MAPK6: variants seen among roughly 807,000 people sequenced by gnomAD.
MAPK6 encodes ERK-3.
A neutral mutation model predicts 59.3 loss-of-function variants in MAPK6; 19 were observed. That is an observed-to-expected ratio of 0.32 (90% CI 0.22 to 0.47). The LOEUF (loss-of-function observed/expected upper bound fraction) is 0.47, where lower values mean the gene tolerates loss of function less well. MAPK6 is among the 20% of genes least tolerant of loss of function. MAPK6 has a pLI of 1.00. For synonymous variants in MAPK6, 316 were observed against 290.3 expected, an observed-to-expected ratio of 1.09 and a Z score of -0.90; for missense variants, 724 against 847.9, an observed-to-expected ratio of 0.85 and a Z score of 1.81.
At chr15:52,038,155 T>G (rs1380366754) in intron 1 of MAPK6, among the ~76,000 whole-genome samples, 2 of 51,834 alleles carry the variant, frequency 3.9e-5, no homozygotes, top group African/African-American at 1.2e-4. Flanking sequence ...AGCTCAAGAT[T>G]GAAAAAAAAA....
chr15:52,057,013 A>C (rs1309785150), intron 3 of MAPK6: 1 of 152,142 alleles, frequency 6.6e-6, no homozygotes, highest in African/African-American at 2.4e-5. Flanking sequence ...ATGTTAGCAA[A>C]CCAGTACCTC....
At chr15:52,061,992 C>T (rs1481421332) in intron 5 of MAPK6, among the ~76,000 whole-genome samples, 1 of 150,818 alleles carries the variant, frequency 6.6e-6, no homozygotes, top group African/African-American at 2.4e-5. Context: ...CAGTCATATC[C>T]AATAAAGTAT....
At chr15:51,993,045 C>G (rs563295486) in intron 2 of MAPK6, among the ~76,000 whole-genome samples, 72 of 152,246 alleles carry the variant, frequency 4.7e-4, no homozygotes, top group African/African-American at 1.6e-3. Context: ...CCCTGGAGGT[C>G]TATGGTTGGT....
At chr15:52,016,052 TCGCGCG>T (rs376275284), upstream of MAPK6, among the ~76,000 whole-genome samples, 663 of 68,676 alleles carry the variant, frequency 9.7e-3, 13 homozygotes, top group African/African-American at 0.029. Flanking sequence ...CCAAACTCCA[TCGCGCG>T]CGCGCGCGCG....
intron 2 of MAPK6, among the ~76,000 whole-genome samples, chr15:52,047,242 A>T (rs1280515612): frequency 1.3e-5 from 2 of 152,144 alleles, no homozygotes; most frequent in East Asian, 3.9e-4. Context: ...TTTAAAGTGT[A>T]TGGTTATTTA....
At chr15:52,043,503 G>T (rs1014201939) in intron 1 of MAPK6, among the ~76,000 whole-genome samples, 5 of 151,766 alleles carry the variant, frequency 3.3e-5, no homozygotes, top group Non-Finnish European at 5.9e-5. Context: ...TCTCCATGTT[G>T]GTAGGCTGAT....
rs1337458953 is a variant in MAPK6 at position 52,058,780 on chromosome 15, C to T, written c.848C>T (p.Pro283Leu). ...CACAAACCTTTAACTCAGCTGCTTCCAGGAATTAGTCGAGAAGGTATTGTG... is the reference window on the plus strand; with the variant it reads ...CACAAACCTTTAACTCAGCTGCTTCTAGGAATTAGTCGAGAAGGTATTGTG... ...EPHKPLTQLL[P>L]GISREALDFL... The change falls in exon 4 of 6, where the codon CCA (proline) becomes CTA (leucine). Residue 283 changes from proline (P) to leucine (L), a missense_variant. This residue lies in a region of MAPK6 where 502 missense variants were observed against 507.6 expected (regional missense o/e 0.99). Coordinates refer to ENST00000261845, the MANE Select transcript of MAPK6 (RefSeq NM_002748.4). 2 of 1,611,462 alleles carry T rather than the reference C, an allele frequency of 1.2e-6. No individual in the cohort carries two copies. The highest frequency in any genetic ancestry group is 1.7e-6 in the Non-Finnish European group (2 of 1,178,672).
Position 52,064,246 on chromosome 15 carries a change from A to C in MAPK6, c.1412A>C (p.Lys471Thr). ...GAAGTTAACCATTACTATGAACCCA[A>C]GCTTATTATAGATCTTTCCAATTGG... ...ESEVNHYYEP[K>T]LIIDLSNWKE... The change falls in exon 6 of 6, where the codon AAG becomes ACG. Residue 471 changes from lysine (K) to threonine (T), a missense_variant. Physicochemically the swap from Lys to Thr is moderately conservative, Grantham distance 78. Around this residue, in one of 4 missense-constraint regions of MAPK6, gnomAD observed 502 missense variants for 507.6 expected, o/e 0.99. Transcript: ENST00000261845. 1 of 1,611,314 alleles carries C rather than the reference A, an allele frequency of 6.2e-7. No homozygotes were observed. Among genetic ancestry groups the C allele is most frequent in the South Asian group, 1.1e-5 (1 of 90,794 alleles).
rs774370270 is a variant in MAPK6, at chr15:52,046,887, A to G, written c.427A>G (p.Ile143Val). The change falls in exon 2 of 6, where the codon ATT becomes GTT. Residue 143 changes from isoleucine to valine, a missense_variant. Physicochemically the swap from Ile to Val is conservative, Grantham distance 29 (BLOSUM62 3). Coordinates refer to ENST00000261845, the MANE Select transcript of MAPK6 (RefSeq NM_002748.4). ...TCAGCTGCTACGGGGGCTCAAGTATATTCACTCTGCAAATGTACTGCACAG... is the reference window on the plus strand; with the variant it reads ...TCAGCTGCTACGGGGGCTCAAGTATGTTCACTCTGCAAATGTACTGCACAG... ...MYQLLRGLKYIHSANVLHRDL... is the reference protein window; with the variant it reads ...MYQLLRGLKYVHSANVLHRDL... 7 of 1,613,982 alleles carry G rather than the reference A, an allele frequency of 4.3e-6. No individual in the cohort carries two copies. In the East Asian group the frequency reaches 1.3e-4, roughly 31 times the overall value.
chr15:52,044,268 T>TTATA (rs1342451100), intron 1 of MAPK6, among the ~76,000 whole-genome samples: 1 of 152,132 alleles, frequency 6.6e-6, no homozygotes. Context: ...AATAAAGCTA[T>TTATA]TATACTATTA....
At chr15:51,989,856 A>T (rs1230083435) in intron 2 of MAPK6, among the ~76,000 whole-genome samples, 1 of 152,186 alleles carries the variant, frequency 6.6e-6, no homozygotes, top group Non-Finnish European at 1.5e-5. Flanking sequence ...CTCCCACCTC[A>T]GCTTCCTGAA....
chr15:52,000,799 CAA>C (rs573980691), intron 2 of MAPK6, among the ~76,000 whole-genome samples: 4 of 133,238 alleles, frequency 3.0e-5, no homozygotes, highest in Non-Finnish European at 1.6e-5. Context: ...GACTCCATTT[CAA>C]AAAAAAAAAA....
intron 3 of MAPK6, among the ~76,000 whole-genome samples, chr15:52,013,380 T>C (rs989069186): frequency 6.6e-6 from 1 of 152,142 alleles, no homozygotes; most frequent in Admixed American, 6.6e-5. Flanking sequence ...CCATCAAATG[T>C]AGTAGTTTGT....
At chr15:51,974,615 C>T (rs566028370) in intron 1 of MAPK6, among the ~76,000 whole-genome samples, 11 of 140,160 alleles carry the variant, frequency 7.8e-5, no homozygotes, top group African/African-American at 2.1e-4. Flanking sequence ...GCTGAGATCA[C>T]GCCACTGCAC....
intron 1 of MAPK6, among the ~76,000 whole-genome samples, chr15:52,044,186 G>A (rs1190066099): frequency 2.6e-5 from 4 of 151,810 alleles, no homozygotes; most frequent in Non-Finnish European, 4.4e-5. Context: ...TTGGGGGGGC[G>A]GGCTAGGAGG....
chr15:52,015,919 G>C (rs192192562), upstream of MAPK6, among the ~76,000 whole-genome samples: 71 of 4,604 alleles, frequency 0.015, 1 homozygote, highest in African/African-American at 0.018. Context: ...TTAGTTGGGC[G>C]TGGTGGCGCG....
intron 2 of MAPK6, among the ~76,000 whole-genome samples, chr15:51,993,721 G>C (rs2057216421): frequency 6.6e-6 from 1 of 151,872 alleles, no homozygotes; most frequent in Admixed American, 6.6e-5. Context: ...AAAAGGGCCT[G>C]AGAACAGTGA....
At chr15:52,019,707 G>T (rs1477465820) in intron 1 of MAPK6, among the ~76,000 whole-genome samples, 2 of 150,052 alleles carry the variant, frequency 1.3e-5, no homozygotes, top group Admixed American at 1.3e-4. Context: ...CGCCCTGCCA[G>T]GCCGCGCCCG....
At position 52,025,481 on chromosome 15, in the gene MAPK6, T is replaced by C. The variant is rs141522647; in HGVS notation, c.-632+6105T>C. 6.3e-4 allele frequency among the ~76,000 whole-genome samples: 96 copies of C among 152,340 alleles called. 1 individual carries two copies. The highest frequency in any genetic ancestry group is 5.9e-3 in the Admixed American group (90 of 15,302). ...ACGAGCAAGTAGTGCACTTGAGGAA[T>C]TGAATTTTTTATTTAATTTTAATTC... On this transcript the variant is annotated intron_variant, in intron 1 of 5. Transcript: ENST00000261845.
Sources: gnomAD v4.1 joint callset for allele counts (sites outside exome capture counted in the v4.1 genomes callset) on GRCh38, gnomAD v4.1.1 for gene constraint, gnomAD v4.1.1 regional missense constraint, MANE v1.5 for transcripts, NCBI Gene and HGNC (gene_info 2026-07-23, HGNC 2026-07-21) for gene names.